CTNNA2: variants seen among roughly 807,000 people sequenced by gnomAD.
CTNNA2 encodes the protein catenin alpha-2.
A neutral mutation model predicts 101.0 loss-of-function variants in CTNNA2; 42 were observed. That is an observed-to-expected ratio of 0.42 (90% confidence interval 0.32 to 0.54). The LOEUF (loss-of-function observed/expected upper bound fraction) is 0.54. CTNNA2 is among the 20% of genes least tolerant of loss of function. The pLI is 0.14. For synonymous variants in CTNNA2, 450 were observed against 456.4 expected, an observed-to-expected ratio of 0.99 and a Z score of 0.18; for missense variants, 871 against 1,223.1, an observed-to-expected ratio of 0.71 and a Z score of 4.29.
intron 9 of CTNNA2, among the ~76,000 whole-genome samples, chr2:80,459,814 A>G (rs563617488): frequency 6.6e-6 from 1 of 152,280 alleles, no homozygotes; most frequent in African/African-American, 2.4e-5. Flanking sequence ...TTCCCATAAA[A>G]GCCACTCAAT....
chr2:80,008,846 C>T (rs1693565192), intron 7 of CTNNA2, among the ~76,000 whole-genome samples: 1 of 152,190 alleles, frequency 6.6e-6, no homozygotes, highest in East Asian at 1.9e-4. Context: ...TAACTGGCCT[C>T]TGTGGGTATT....
At chr2:80,004,570 A>G (rs1177040584) in intron 7 of CTNNA2, among the ~76,000 whole-genome samples, 1 of 152,216 alleles carries the variant, frequency 6.6e-6, no homozygotes, top group African/African-American at 2.4e-5. Flanking sequence ...AGGGGCTATC[A>G]TCATCTTTAT....
intron 7 of CTNNA2, among the ~76,000 whole-genome samples, chr2:80,127,868 A>AG (rs1702222468): frequency 6.6e-6 from 1 of 152,072 alleles, no homozygotes; most frequent in Non-Finnish European, 1.5e-5. Flanking sequence ...CTTGGAGTAC[A>AG]GGGGGCAGCT....
intron 3 of CTNNA2, among the ~76,000 whole-genome samples, chr2:79,355,040 G>T (rs559787830): frequency 1.8e-4 from 28 of 152,050 alleles, no homozygotes; most frequent in Non-Finnish European, 3.7e-4. Flanking sequence ...GCTGGTTGTA[G>T]GTATGTGATT....
At chr2:80,503,582 AAACT>A (rs1264752496) in intron 9 of CTNNA2, among the ~76,000 whole-genome samples, 2 of 152,150 alleles carry the variant, frequency 1.3e-5, no homozygotes, top group African/African-American at 4.8e-5. Flanking sequence ...AAAAACAAAC[AAACT>A]TTTAATGGCT....
intron 7 of CTNNA2, among the ~76,000 whole-genome samples, chr2:80,172,898 C>T (rs1171597528): frequency 6.6e-6 from 1 of 152,142 alleles, no homozygotes; most frequent in Non-Finnish European, 1.5e-5. Flanking sequence ...GATTAAGGGC[C>T]CAGTCTACGC....
intron 9 of CTNNA2, among the ~76,000 whole-genome samples, chr2:80,448,077 A>T (rs2149451577): frequency 6.6e-6 from 1 of 152,338 alleles, no homozygotes; most frequent in Admixed American, 6.5e-5. Flanking sequence ...GTCCAATTAC[A>T]ACAAAGTAAC....
Position 79,818,310 on chromosome 2 carries a change from G to GTTTTTGT in CTNNA2, c.299-39690_299-39684dup, listed in dbSNP as rs1315188580. Among the ~76,000 whole-genome samples, 95 of 151,848 alleles carry GTTTTTGT rather than the reference G, an allele frequency of 6.3e-4. 1 individual carries two copies. Among genetic ancestry groups the GTTTTTGT allele is most frequent in the African/African-American group, 2.1e-3 (87 of 41,448 alleles). ...TGAATGGATATTGTGATTTACCTTT[G>GTTTTTGT]TTTTTGTTTTTTGTTTTTTTGAGAC... On this transcript the variant is annotated intron_variant, in intron 3 of 18. Coordinates refer to ENST00000402739, the MANE Select transcript of CTNNA2 (RefSeq NM_001282597.3).
chr2:79,889,930 G>A (rs1017920171), intron 6 of CTNNA2, among the ~76,000 whole-genome samples: 1 of 152,270 alleles, frequency 6.6e-6, no homozygotes. Flanking sequence ...AGTCTTGAGA[G>A]GCTGGCCATT....
At chr2:80,367,042 C>G (rs1327653043) in intron 7 of CTNNA2, among the ~76,000 whole-genome samples, 1 of 144,164 alleles carries the variant, frequency 6.9e-6, no homozygotes, top group African/African-American at 2.6e-5. Context: ...ATTAGTCTTT[C>G]AAAAGGAGGC....
intron 7 of CTNNA2, among the ~76,000 whole-genome samples, chr2:80,236,342 C>A (rs1036095953): frequency 1.3e-5 from 2 of 152,110 alleles, no homozygotes; most frequent in African/African-American, 4.8e-5. Flanking sequence ...TGGGATTGCT[C>A]GTTCGGATGA....
intron 2 of CTNNA2, among the ~76,000 whole-genome samples, chr2:79,694,080 G>A (rs1363841149): frequency 6.6e-6 from 1 of 151,854 alleles, no homozygotes; most frequent in Non-Finnish European, 1.5e-5. Context: ...CAAAGACATG[G>A]ACAGGAGCAT....
At chr2:79,729,710 GC>G (rs1334004975) in intron 2 of CTNNA2, among the ~76,000 whole-genome samples, 1 of 151,990 alleles carries the variant, frequency 6.6e-6, no homozygotes, top group Non-Finnish European at 1.5e-5. Flanking sequence ...GAAGCTTGAG[GC>G]CTCTAAGAAG....
intron 7 of CTNNA2, among the ~76,000 whole-genome samples, chr2:80,176,240 A>G (rs1271154019): frequency 6.6e-6 from 1 of 152,258 alleles, no homozygotes; most frequent in Admixed American, 6.5e-5. Context: ...TAATATAGCT[A>G]TCCTTTGTAC....
chr2:80,157,994 T>C (rs1704085786), intron 7 of CTNNA2, among the ~76,000 whole-genome samples: 2 of 152,212 alleles, frequency 1.3e-5, no homozygotes, highest in Non-Finnish European at 1.5e-5. Flanking sequence ...TTGTATACTA[T>C]ATAGCTTGCT....
chr2:80,080,407 C>T (rs1193792854), intron 7 of CTNNA2, among the ~76,000 whole-genome samples: 2 of 152,032 alleles, frequency 1.3e-5, no homozygotes, highest in Admixed American at 6.5e-5. Context: ...AAGGACACCT[C>T]GACAATTCGA....
intron 1 of CTNNA2, among the ~76,000 whole-genome samples, chr2:79,637,697 G>T (rs574852589): frequency 6.6e-6 from 1 of 152,126 alleles, no homozygotes; most frequent in Admixed American, 6.5e-5. Context: ...ACATATTTCT[G>T]TGAAGTTTCT....
intron 7 of CTNNA2, among the ~76,000 whole-genome samples, chr2:79,991,030 C>A (rs1692137747): frequency 6.6e-6 from 1 of 152,108 alleles, no homozygotes; most frequent in South Asian, 2.1e-4. Flanking sequence ...GGAGTTTATC[C>A]ATTTCTTCTA....
At chr2:79,776,502 G>A (rs1339690026) in intron 3 of CTNNA2, among the ~76,000 whole-genome samples, 1 of 152,244 alleles carries the variant, frequency 6.6e-6, no homozygotes, top group Admixed American at 6.5e-5. Context: ...TAAATCAAAA[G>A]CAATCACTTA....
Sources: gnomAD v4.1 joint callset for allele counts (sites outside exome capture counted in the v4.1 genomes callset) on GRCh38, gnomAD v4.1.1 for gene constraint, MANE v1.5 for transcripts, NCBI Gene and HGNC (gene_info 2026-07-23, HGNC 2026-07-21) for gene names.